The following NEMP2 variants were observed in gnomAD, a reference collection of about 807,000 sequenced individuals.
NEMP2 encodes the protein nuclear envelope integral membrane protein 2.
Under a neutral mutation model 54.2 loss-of-function variants are expected in NEMP2, and 53 were observed. The observed-to-expected ratio is 0.98, with a 90% confidence interval of 0.78 to 1.23. The LOEUF is 1.23. NEMP2 is among the 50% of genes most tolerant of loss of function. The pLI is 0.00. For missense variants in NEMP2, 455 were observed against 511.3 expected, an observed-to-expected ratio of 0.89 and a Z score of 1.06; for synonymous variants, 197 against 190.3, an observed-to-expected ratio of 1.04 and a Z score of -0.29.
At chr2:190,601,733 C>G in the NEMP2 span, among the ~76,000 whole-genome samples, 1 of 152,172 alleles carries the variant, frequency 6.6e-6, no homozygotes, top group African/African-American at 2.4e-5. This position sits in a 1 kb window ranked among gnomAD's most constrained non-coding sequence, Gnocchi z 5.8. Flanking sequence ...CCAGGGCAAT[C>G]CCAGGAGCTA....
At chr2:190,604,402 C>T in the NEMP2 span, among the ~76,000 whole-genome samples, 2 of 152,232 alleles carry the variant, frequency 1.3e-5, no homozygotes, top group Non-Finnish European at 2.9e-5. The surrounding 1 kb of genome is among the most constrained non-coding windows in gnomAD (Gnocchi z 4.5). Flanking sequence ...ATAGTCTCTT[C>T]CCTTCTTTCT....
the NEMP2 span, among the ~76,000 whole-genome samples, chr2:190,490,562 CAAA>C: frequency 6.9e-6 from 1 of 144,092 alleles, no homozygotes; most frequent in African/African-American, 2.6e-5. The surrounding 1 kb of genome is among the most constrained non-coding windows in gnomAD (Gnocchi z 4.5). Context: ...GACTCCCTCT[CAAA>C]AAAAAAACAA....
At chr2:190,610,021 G>C in the NEMP2 span, 1 of 152,152 alleles carries the variant, frequency 6.6e-6, no homozygotes, top group African/African-American at 2.4e-5. This position sits in a 1 kb window ranked among gnomAD's most constrained non-coding sequence, Gnocchi z 5.4. Flanking sequence ...GGAAGAATGG[G>C]GGAAAAGGAA....
At position 190,513,126 on chromosome 2, in the gene NEMP2, C is replaced by T. The variant is rs754058002; in HGVS notation, c.953+1327G>A. On this transcript the variant is annotated intron_variant, in intron 7 of 8. Transcript: ENST00000409150. This position sits in a 1 kb window ranked among gnomAD's most constrained non-coding sequence, Gnocchi z 5.3. ...CTCCCCTTTATATCCACCTGCTGTG[C>T]CAGAAGACAGATGGGCCACATCCCA... 6.6e-6 allele frequency among the ~76,000 whole-genome samples: 1 copy of T among 152,210 alleles called. No homozygotes were observed. The highest frequency in any genetic ancestry group is 1.5e-5 in the Non-Finnish European group (1 of 68,038).
At chr2:190,591,723 C>T in the NEMP2 span, among the ~76,000 whole-genome samples, 1 of 152,170 alleles carries the variant, frequency 6.6e-6, no homozygotes, top group African/African-American at 2.4e-5. The surrounding 1 kb of genome is among the most constrained non-coding windows in gnomAD (Gnocchi z 5.4). Flanking sequence ...GGCCTGGAGA[C>T]TAAAGAAAGC....
At position 190,521,719 on chromosome 2, in the gene NEMP2, A is replaced by C. The variant is rs2125327758; in HGVS notation, c.214-2536T>G. Among the ~76,000 whole-genome samples the C allele has an allele frequency of 6.6e-6, 1 of 152,264 alleles. No individual in the cohort carries two copies. The highest frequency in any genetic ancestry group is 6.5e-5 in the Admixed American group (1 of 15,296). On this transcript the variant is annotated intron_variant, in intron 2 of 8. Transcript: ENST00000409150. The surrounding 1 kb of genome is among the most constrained non-coding windows in gnomAD (Gnocchi z 6.2). ...GGTCACTGGTGCTTCCATGTTGCTAACTCAAATGCCCAATTAATTCTCAGT... is the reference window on the plus strand; with the variant it reads ...GGTCACTGGTGCTTCCATGTTGCTACCTCAAATGCCCAATTAATTCTCAGT...
At chr2:190,600,398 A>G in the NEMP2 span, among the ~76,000 whole-genome samples, 1 of 152,170 alleles carries the variant, frequency 6.6e-6, no homozygotes, top group African/African-American at 2.4e-5. The surrounding 1 kb of genome is among the most constrained non-coding windows in gnomAD (Gnocchi z 4.9). Context: ...GGCGTGTGCT[A>G]TTGTTTGAAT....
the NEMP2 span, among the ~76,000 whole-genome samples, chr2:190,485,208 T>G: frequency 6.6e-6 from 1 of 152,148 alleles, no homozygotes; most frequent in Non-Finnish European, 1.5e-5. This position sits in a 1 kb window ranked among gnomAD's most constrained non-coding sequence, Gnocchi z 5.1. Context: ...ACAAACCCTG[T>G]GGTTGGAAGA....
At chr2:190,486,103 G>C in the NEMP2 span, among the ~76,000 whole-genome samples, 2 of 152,208 alleles carry the variant, frequency 1.3e-5, no homozygotes, top group Non-Finnish European at 2.9e-5. Flanking sequence ...TTTGGGTCTT[G>C]CTTTTAAGAT....
At chr2:190,603,687 C>A in the NEMP2 span, among the ~76,000 whole-genome samples, 617 of 151,214 alleles carry the variant, frequency 4.1e-3, 3 homozygotes, top group Middle Eastern at 0.02. Flanking sequence ...TGTAGATTCT[C>A]AGAGAAGAAA....
chr2:190,496,743 G>A, the NEMP2 span, among the ~76,000 whole-genome samples: 1 of 152,104 alleles, frequency 6.6e-6, no homozygotes, highest in Non-Finnish European at 1.5e-5. The surrounding 1 kb of genome is among the most constrained non-coding windows in gnomAD (Gnocchi z 4.7). Context: ...AAAAAGGAAT[G>A]AATTAATGGC....
the NEMP2 span, among the ~76,000 whole-genome samples, chr2:190,426,150 CT>C: frequency 6.6e-6 from 1 of 152,106 alleles, no homozygotes; most frequent in Non-Finnish European, 1.5e-5. The surrounding 1 kb of genome is among the most constrained non-coding windows in gnomAD (Gnocchi z 4.7). Context: ...TTTTCACTCC[CT>C]TTTTTTCTCC....
At chr2:190,449,578 C>T in the NEMP2 span, among the ~76,000 whole-genome samples, 3 of 152,158 alleles carry the variant, frequency 2.0e-5, no homozygotes, top group South Asian at 2.1e-4. Context: ...ATGTTTATTG[C>T]GGCACTATTC....
upstream of NEMP2, among the ~76,000 whole-genome samples, chr2:190,536,246 T>G (rs7562013): frequency 0.17 from 25,412 of 152,090 alleles, 2,297 homozygotes; most frequent in Middle Eastern, 0.23. Context: ...TCTCCAAACT[T>G]TTCTTCTGTA....
the NEMP2 span, among the ~76,000 whole-genome samples, chr2:190,635,637 C>G: frequency 1.3e-5 from 2 of 152,120 alleles, no homozygotes; most frequent in African/African-American, 4.8e-5. The surrounding 1 kb of genome is among the most constrained non-coding windows in gnomAD (Gnocchi z 4.1). Flanking sequence ...CACAATTTAC[C>G]CATAAATTCT....
the NEMP2 span, among the ~76,000 whole-genome samples, chr2:190,468,932 G>A: frequency 6.6e-6 from 1 of 152,140 alleles, no homozygotes; most frequent in African/African-American, 2.4e-5. Context: ...CCTACCATTA[G>A]GGTGTATTTT....
rs752089420 is a variant in NEMP2 at position 190,509,549 on chromosome 2, T to C, written c.1131-237A>G. On this transcript the variant is annotated intron_variant, in intron 8 of 8. Transcript: ENST00000409150. The surrounding 1 kb of genome is among the most constrained non-coding windows in gnomAD (Gnocchi z 6.1). ...ATATATAAGCACTAAGTAAGCCAAA[T>C]GTACTCACTCCTGTTTTCTAATTCC... Among the ~76,000 whole-genome samples the C allele has an allele frequency of 2.0e-5, 3 of 152,196 alleles. No homozygotes were observed. Among genetic ancestry groups the C allele is most frequent in the Admixed American group, 6.5e-5 (1 of 15,280 alleles).
chr2:190,592,508 A>G, the NEMP2 span, among the ~76,000 whole-genome samples: 1 of 152,220 alleles, frequency 6.6e-6, no homozygotes, highest in Non-Finnish European at 1.5e-5. The surrounding 1 kb of genome is among the most constrained non-coding windows in gnomAD (Gnocchi z 4.4). Context: ...AAAGAAACTA[A>G]GGGTAATAAC....
the NEMP2 span, among the ~76,000 whole-genome samples, chr2:190,450,466 ACTTTTT>A: frequency 7.0e-6 from 1 of 143,780 alleles, no homozygotes; most frequent in South Asian, 2.2e-4. Flanking sequence ...TAACTTGCTA[ACTTTTT>A]CTTTTTCTCT....
Sources: allele counts gnomAD v4.1 joint callset (sites outside exome capture counted in the v4.1 genomes callset), GRCh38; gene constraint gnomAD v4.1.1; non-coding constraint Gnocchi (gnomAD v3.1); transcripts MANE v1.5; gene names NCBI Gene and HGNC (gene_info 2026-07-23, HGNC 2026-07-21).